The following PLEKHA5 variants were observed in gnomAD, a reference collection of about 807,000 sequenced individuals.
PLEKHA5 encodes pleckstrin homology domain-containing family A member 5.
A neutral mutation model predicts 181.9 loss-of-function variants in PLEKHA5; 55 were observed. The observed-to-expected ratio is 0.30, with a 90% CI of 0.24 to 0.38. The LOEUF is 0.38. Ranked by LOEUF, PLEKHA5 falls within the 10% of genes least tolerant of loss-of-function variation. The probability of loss-of-function intolerance (pLI) is 1.00; values close to 1 mark genes in which losing one functional copy is unlikely to be tolerated. For missense variants in PLEKHA5, 1,432 were observed against 1,549.5 expected (o/e 0.92, Z 1.27); for synonymous variants, 535 against 529.4 (o/e 1.01, Z -0.15).
chr12:19,343,386 A>G lies in PLEKHA5; in HGVS notation c.2614A>G (p.Met872Val), dbSNP rs1212627813. 1.9e-6 allele frequency: 3 copies of G among 1,612,704 alleles called. No homozygotes were observed. The highest frequency in any genetic ancestry group is 2.2e-5 in the East Asian group (1 of 44,824). The change falls in exon 22 of 32, where the codon ATG becomes GTG. Residue 872 changes from methionine to valine, a missense_variant. Coordinates refer to ENST00000429027, the MANE Select transcript of PLEKHA5 (RefSeq NM_001256470.2). ...QKELWRIQDVMEGLSKHKQQR... is the reference protein window; with the variant it reads ...QKELWRIQDVVEGLSKHKQQR... ...AGAACTTTGGCGAATTCAGGATGTC[A>G]TGGAAGGGCTGAGTAAACATAAGCA...
intron 3 of PLEKHA5, among the ~76,000 whole-genome samples, chr12:19,133,237 A>G (rs918053822): frequency 3.9e-5 from 6 of 152,030 alleles, no homozygotes; most frequent in African/African-American, 1.2e-4. Flanking sequence ...TTAGAATATT[A>G]AACTAATTTA....
intron 3 of PLEKHA5, among the ~76,000 whole-genome samples, chr12:19,215,944 AAACTT>A (rs1443472295): frequency 2.6e-5 from 4 of 152,224 alleles, no homozygotes; most frequent in Non-Finnish European, 5.9e-5. Context: ...TTTTTCTAGA[AAACTT>A]AAAAGATAAG....
chr12:19,236,507 G>C (rs1036520996), intron 3 of PLEKHA5, among the ~76,000 whole-genome samples: 5 of 151,952 alleles, frequency 3.3e-5, no homozygotes, highest in Non-Finnish European at 5.9e-5. Flanking sequence ...TTAGCCTTTT[G>C]TATACCTTTT....
intron 15 of PLEKHA5, among the ~76,000 whole-genome samples, chr12:19,310,573 G>C (rs2131135): frequency 0.022 from 3,113 of 139,522 alleles, 92 homozygotes; most frequent in African/African-American, 0.078. Flanking sequence ...TGGTGCCATT[G>C]CACTCCAGCC....
At chr12:19,193,369 A>G (rs959691981) in intron 3 of PLEKHA5, among the ~76,000 whole-genome samples, 3 of 152,318 alleles carry the variant, frequency 2.0e-5, no homozygotes, top group Middle Eastern at 3.4e-3. Context: ...TTAAAAGCAA[A>G]TAATGTTGGT....
At chr12:19,161,167 T>G (rs1295151660) in intron 3 of PLEKHA5, among the ~76,000 whole-genome samples, 2 of 152,116 alleles carry the variant, frequency 1.3e-5, no homozygotes, top group Non-Finnish European at 2.9e-5. Flanking sequence ...ATTAGAACAA[T>G]TCTCTGAAGA....
chr12:19,299,226 T>C (rs941371376), intron 15 of PLEKHA5, among the ~76,000 whole-genome samples: 1 of 152,234 alleles, frequency 6.6e-6, no homozygotes, highest in African/African-American at 2.4e-5. Flanking sequence ...CTGATGACTT[T>C]AAACTGGAAT....
chr12:19,240,146 A>T (rs2062213063), intron 3 of PLEKHA5, among the ~76,000 whole-genome samples: 1 of 152,212 alleles, frequency 6.6e-6, no homozygotes, highest in Admixed American at 6.5e-5. Context: ...ACGATACGGA[A>T]TAAGTGATTA....
intron 11 of PLEKHA5, among the ~76,000 whole-genome samples, chr12:19,282,658 A>G (rs995129561): frequency 6.6e-6 from 1 of 152,212 alleles, no homozygotes; most frequent in Non-Finnish European, 1.5e-5. Flanking sequence ...GAGTTTATTT[A>G]TATAAAAACA....
chr12:19,166,140 G>T (rs892435723), intron 3 of PLEKHA5, among the ~76,000 whole-genome samples: 3 of 152,054 alleles, frequency 2.0e-5, no homozygotes, highest in Non-Finnish European at 4.4e-5. Flanking sequence ...CTCTCATAAT[G>T]TTCTTTTTTT....
At chr12:19,153,540 C>A (rs1056986735) in intron 3 of PLEKHA5, 2 of 152,118 alleles carry the variant, frequency 1.3e-5, no homozygotes, top group Non-Finnish European at 2.9e-5. Context: ...TTTACCCCCT[C>A]CCCCACTGTG....
At chr12:19,312,790 A>G (rs533785637) in intron 15 of PLEKHA5, among the ~76,000 whole-genome samples, 2 of 152,316 alleles carry the variant, frequency 1.3e-5, no homozygotes, top group East Asian at 3.9e-4. Context: ...TTCTTTCAAC[A>G]ACTTGTTTCT....
chr12:19,365,177 C>T (rs1282653014), intron 29 of PLEKHA5, among the ~76,000 whole-genome samples: 1 of 151,864 alleles, frequency 6.6e-6, no homozygotes, highest in Non-Finnish European at 1.5e-5. Context: ...CGAGACCATC[C>T]TGGCTAACAC....
intron 3 of PLEKHA5, among the ~76,000 whole-genome samples, chr12:19,143,030 A>G (rs866311865): frequency 1.3e-5 from 2 of 152,150 alleles, no homozygotes; most frequent in Non-Finnish European, 2.9e-5. Context: ...TCATCTCTTG[A>G]TGGACATGTG....
chr12:19,199,720 C>T (rs960063590), intron 3 of PLEKHA5, among the ~76,000 whole-genome samples: 1 of 152,138 alleles, frequency 6.6e-6, no homozygotes, highest in Non-Finnish European at 1.5e-5. Context: ...AGGAAAAGCA[C>T]ATTCTACGAC....
Position 19,201,969 on chromosome 12 carries a change from T to A in PLEKHA5, c.228-51971T>A, listed in dbSNP as rs116979620. On this transcript the variant is annotated intron_variant, in intron 3 of 31. Coordinates refer to ENST00000429027, the MANE Select transcript of PLEKHA5 (RefSeq NM_001256470.2). ...GGGTTTAATGAAATGTGAATTACAC[T>A]GCAATAAAACTAAATAAAAGCTGAG... The A allele has an allele frequency of 7.8e-4, 667 of 849,682 alleles. 4 individuals carry two copies. In the East Asian group the frequency reaches 0.024, roughly 30 times the overall value. The allele number at this position is 849,682 out of a possible 1,614,324, so 52.6% of individuals were successfully genotyped here.
At chr12:19,200,359 A>G (rs113607630) in intron 3 of PLEKHA5, 21 of 1,528,892 alleles carry the variant, frequency 1.4e-5, no homozygotes, top group African/African-American at 1.4e-4. Flanking sequence ...TCCTGGGAAT[A>G]GAAGATGTAA....
intron 13 of PLEKHA5, among the ~76,000 whole-genome samples, chr12:19,290,340 C>A (rs975704737): frequency 1.3e-5 from 2 of 152,046 alleles, no homozygotes; most frequent in Non-Finnish European, 2.9e-5. Context: ...AGTAAAATAT[C>A]TTTTAATAAT....
chr12:19,136,744 T>G (rs1235173263), intron 3 of PLEKHA5, among the ~76,000 whole-genome samples: 1 of 152,160 alleles, frequency 6.6e-6, no homozygotes, highest in African/African-American at 2.4e-5. Flanking sequence ...TATGCAAATT[T>G]TTTAAGGTTA....
Sources: allele counts gnomAD v4.1 joint callset (sites outside exome capture counted in the v4.1 genomes callset), GRCh38; gene constraint gnomAD v4.1.1; transcripts MANE v1.5; gene names NCBI Gene and HGNC (gene_info 2026-07-23, HGNC 2026-07-21).